The following ARID1B variants were observed in gnomAD, a reference collection of about 807,000 sequenced individuals.
The protein encoded by ARID1B is AT-rich interaction domain 1B.
ARID1B carries 30 observed loss-of-function variants against 212.3 expected under a neutral mutation model. The ratio of observed to expected loss-of-function variants is 0.14; its 90% CI spans 0.11 to 0.19. The LOEUF is 0.19. Ranked by LOEUF, ARID1B falls within the 10% of genes least tolerant of loss-of-function variation. The probability of loss-of-function intolerance (pLI) is 1.00; values close to 1 mark genes in which losing one functional copy is unlikely to be tolerated. For synonymous variants in ARID1B, 1,402 were observed against 1,301.7 expected (o/e 1.08, Z -1.66); for missense variants, 2,891 against 3,204.0 (o/e 0.90, Z 2.36).
intron 3 of ARID1B, among the ~76,000 whole-genome samples, chr6:156,932,722 C>T (rs1216752189): frequency 6.6e-6 from 1 of 152,122 alleles, no homozygotes; most frequent in Non-Finnish European, 1.5e-5. Flanking sequence ...ATTATTAAAA[C>T]AGCCAAACAG....
chr6:157,109,577 C>T (rs1456934025), intron 5 of ARID1B, among the ~76,000 whole-genome samples: 1 of 152,190 alleles, frequency 6.6e-6, no homozygotes, highest in Non-Finnish European at 1.5e-5. Context: ...CATTTTTAGT[C>T]TTAGAAATGC....
rs550658855 is a variant in ARID1B at position 157,097,530 on chromosome 6, T to C, written c.2491+12625T>C. Among the ~76,000 whole-genome samples, 14 of 152,066 alleles carry C rather than the reference T, an allele frequency of 9.2e-5. No homozygotes were observed. The East Asian group carries it at 2.7e-3, about 29-fold the overall frequency. ...TAGGTGCAAAATGACTCCAAGGGAG[T>C]GAGCATCCGCATGTGGCACTTCTCA... On this transcript the variant is annotated intron_variant, in intron 5 of 19. Transcript: ENST00000636930.
rs1315767745 is a variant in ARID1B, at chr6:157,206,608, G to A, written c.5836G>A (p.Gly1946Arg). 21 of 1,613,828 alleles carry A rather than the reference G, an allele frequency of 1.3e-5. No individual in the cohort carries two copies. Among genetic ancestry groups the A allele is most frequent in the Non-Finnish European group, 1.6e-5 (19 of 1,180,006 alleles). The change falls in exon 20 of 20, where the codon GGG becomes AGG. Residue 1946 changes from glycine (G) to arginine (R), a missense_variant. Physicochemically the swap from Gly to Arg is moderately radical, Grantham distance 125. This residue lies in a region of ARID1B where 332 missense variants were observed against 369.2 expected (regional missense o/e 0.90). Transcript: ENST00000636930. The surrounding 1 kb of genome is among the most constrained non-coding windows in gnomAD (Gnocchi z 6.8). The stretch of plus-strand genomic sequence containing the variant: ...TGGCCTTCTGCACTGGCAGCTCGGC[G>A]GGGGTGACACCACCGAGCACATTCA... ...NSGLLHWQLG[G>R]GDTTEHIQTH...
At chr6:157,113,385 T>A (rs1328554893) in intron 6 of ARID1B, among the ~76,000 whole-genome samples, 1 of 152,204 alleles carries the variant, frequency 6.6e-6, no homozygotes, top group Non-Finnish European at 1.5e-5. Context: ...GGAGACTGGA[T>A]CATTTATGAA....
intron 2 of ARID1B, among the ~76,000 whole-genome samples, chr6:156,897,284 T>TATTATTATTATTATTATA (rs1788554923): frequency 6.8e-6 from 1 of 148,112 alleles, no homozygotes; most frequent in Middle Eastern, 3.3e-3. Flanking sequence ...TTATTATTAT[T>TATTATTATTATTATTATA]ATTATTTGAG....
At chr6:156,948,735 T>G (rs1793357923) in intron 4 of ARID1B, among the ~76,000 whole-genome samples, 1 of 152,222 alleles carries the variant, frequency 6.6e-6, no homozygotes, top group African/African-American at 2.4e-5. Flanking sequence ...AAAAATCAAA[T>G]TATTTCACTG....
chr6:157,098,256 GT>G (rs1785792328), intron 5 of ARID1B, among the ~76,000 whole-genome samples: 1 of 152,200 alleles, frequency 6.6e-6, no homozygotes, highest in African/African-American at 2.4e-5. Context: ...AATGGAGCTG[GT>G]GGCTGTTCAG....
At chr6:156,909,346 G>A (rs764404923) in intron 3 of ARID1B, among the ~76,000 whole-genome samples, 1 of 151,852 alleles carries the variant, frequency 6.6e-6, no homozygotes, top group Non-Finnish European at 1.5e-5. Context: ...GGCTGGTCTT[G>A]AACTCCTGAC....
rs920305028 is a variant in ARID1B, at chr6:156,778,549, C to T, written c.869C>T (p.Ala290Val). 8.1e-7 allele frequency: 1 copy of T among 1,231,478 alleles called. No individual in the cohort carries two copies. Among genetic ancestry groups the T allele is most frequent in the Non-Finnish European group, 1.0e-6 (1 of 990,520 alleles). The allele number at this position is 1,231,478 out of a possible 1,614,324, so 76.3% of individuals were successfully genotyped here. A position where few individuals can be genotyped will look rare whatever the true frequency, so the allele number is the denominator to read the frequency against. The change falls in exon 1 of 20, where the codon GCC becomes GTC. Residue 290 changes from alanine (A) to valine (V), a missense_variant. Physicochemically the swap from Ala to Val is moderately conservative, Grantham distance 64. This residue lies in a region of ARID1B where 1,643 missense variants were observed against 1,544.0 expected (regional missense o/e 1.06). Coordinates refer to ENST00000636930, the MANE Select transcript of ARID1B (RefSeq NM_001374828.1). ...CGCTACGAGCACCCGGGCTTGGGCG[C>T]CCTGGGCACGCAGCAGCCGCCGGTC... ...GGRYEHPGLG[A>V]LGTQQPPVAV...
At chr6:156,944,620 G>A (rs987365176) in intron 4 of ARID1B, among the ~76,000 whole-genome samples, 1 of 152,172 alleles carries the variant, frequency 6.6e-6, no homozygotes, top group African/African-American at 2.4e-5. Context: ...CAACCGGATG[G>A]TTTTCTGAAC....
chr6:157,208,649 T>G lies in ARID1B; in HGVS notation c.*758T>G. ...TTTCATCATTTTTTAAATATTTTTTTTACTGCCTATGGGCTGTGATGTATA... is the reference window on the plus strand; with the variant it reads ...TTTCATCATTTTTTAAATATTTTTTGTACTGCCTATGGGCTGTGATGTATA... On this transcript the variant is annotated 3_prime_UTR_variant, in exon 20 of 20. Transcript: ENST00000636930. 4.3e-6 allele frequency: 1 copy of G among 232,762 alleles called. No homozygotes were observed. The highest frequency in any genetic ancestry group is 8.5e-6 in the Non-Finnish European group (1 of 117,668). 14.4% of individuals were successfully genotyped at this position (232,762 alleles called of 1,614,324 possible).
chr6:157,146,667 C>G (rs1479564347), intron 7 of ARID1B, among the ~76,000 whole-genome samples: 4 of 152,194 alleles, frequency 2.6e-5, no homozygotes, highest in Admixed American at 2.0e-4. Flanking sequence ...CACACACATA[C>G]CCATGTAGAT....
At chr6:156,905,217 A>G (rs774693057) in intron 3 of ARID1B, among the ~76,000 whole-genome samples, 5 of 149,810 alleles carry the variant, frequency 3.3e-5, no homozygotes, top group African/African-American at 4.9e-5. Flanking sequence ...GAATAGAATA[A>G]TAGAATAGAA....
chr6:156,977,928 G>A (rs765038278), intron 4 of ARID1B, among the ~76,000 whole-genome samples: 30 of 152,090 alleles, frequency 2.0e-4, no homozygotes, highest in Non-Finnish European at 4.3e-4. Context: ...CCCACTTTTC[G>A]GGCAGATTCC....
At position 156,901,424 on chromosome 6, in the gene ARID1B, G is replaced by A. The variant is rs571695301; in HGVS notation, c.2035G>A (p.Gly679Ser). Residue 679 changes from glycine to serine, a missense_variant, in exon 3 of 20, where the codon GGC becomes AGC. Physicochemically the swap from Gly to Ser is moderately conservative, Grantham distance 56. This residue lies in a region of ARID1B where 1,643 missense variants were observed against 1,544.0 expected (regional missense o/e 1.06). Coordinates refer to ENST00000636930, the MANE Select transcript of ARID1B (RefSeq NM_001374828.1). ...QQGVSGYCQQ[G>S]QQPYYSQQPQ... Reference sequence around the variant, plus strand: ...AGGTGTGAGTGGTTACTGCCAGCAGGGCCAACAGCCATATTACAGCCAGCA... The same window carrying A: ...AGGTGTGAGTGGTTACTGCCAGCAGAGCCAACAGCCATATTACAGCCAGCA... The A allele has an allele frequency of 5.6e-6, 9 of 1,614,062 alleles. No homozygotes were observed. The South Asian group carries it at 8.8e-5, about 16-fold the overall frequency.
In ARID1B at chr6:156,901,762, G is replaced by C. The variant is rs1788963198; in HGVS notation, c.2136+237G>C. 4 of 575,810 alleles carry C rather than the reference G, an allele frequency of 6.9e-6. No homozygotes were observed. In the South Asian group the frequency reaches 9.2e-5, roughly 13 times the overall value. 35.7% of individuals were successfully genotyped at this position (575,810 alleles called of 1,614,324 possible). A position where few individuals can be genotyped will look rare whatever the true frequency, so the allele number is the denominator to read the frequency against. On this transcript the variant is annotated intron_variant, in intron 3 of 19. Coordinates refer to ENST00000636930, the MANE Select transcript of ARID1B (RefSeq NM_001374828.1). ...ATAGCTGCTTGCATTACTGGTTAGT[G>C]GCAGCAGAAAGTGTCAGTCATTGCT...
chr6:156,917,060 C>T (rs1321745914), intron 3 of ARID1B, among the ~76,000 whole-genome samples: 1 of 152,082 alleles, frequency 6.6e-6, no homozygotes, highest in Non-Finnish European at 1.5e-5. Context: ...CACTGTTGTG[C>T]CCTCATAGCC....
intron 4 of ARID1B, among the ~76,000 whole-genome samples, chr6:156,989,022 A>G (rs1778108748): frequency 6.6e-6 from 1 of 152,206 alleles, no homozygotes; most frequent in African/African-American, 2.4e-5. Flanking sequence ...GGGATCTACC[A>G]TACTCTATTG....
In ARID1B at chr6:156,778,662, G is replaced by A. The variant is rs2114981793; in HGVS notation, c.982G>A (p.Gly328Ser). ...GSAAPASGGP[G>S]GRAGPCFDQH... is the part of the protein sequence containing the mutation. Reference sequence around the variant, plus strand: ...CGCTGCCCCTGCGAGCGGCGGCCCCGGCGGCCGCGCTGGGCCTTGCTTTGA... The same window carrying A: ...CGCTGCCCCTGCGAGCGGCGGCCCCAGCGGCCGCGCTGGGCCTTGCTTTGA... Residue 328 changes from glycine (G) to serine (S), a missense_variant, in exon 1 of 20, where the codon GGC becomes AGC. Around this residue, in one of 7 missense-constraint regions of ARID1B, gnomAD observed 1,643 missense variants for 1,544.0 expected, o/e 1.06. Transcript: ENST00000636930. 1 of 1,483,210 alleles carries A rather than the reference G, an allele frequency of 6.7e-7. No individual in the cohort carries two copies. Among genetic ancestry groups the A allele is most frequent in the East Asian group, 2.9e-5 (1 of 34,994 alleles). 91.9% of individuals were successfully genotyped at this position (1,483,210 alleles called of 1,614,324 possible).
Sources: allele counts gnomAD v4.1 joint callset (sites outside exome capture counted in the v4.1 genomes callset), GRCh38; gene constraint gnomAD v4.1.1; regional missense constraint gnomAD v4.1.1; non-coding constraint Gnocchi (gnomAD v3.1); transcripts MANE v1.5; gene names NCBI Gene and HGNC (gene_info 2026-07-23, HGNC 2026-07-21).